MGA: variants seen among roughly 807,000 people sequenced by gnomAD.
The protein encoded by MGA is MAX gene-associated protein.
Under a neutral mutation model 261.1 loss-of-function variants are expected in MGA, and 40 were observed. The observed-to-expected ratio is 0.15, with a 90% CI of 0.12 to 0.20. The LOEUF (loss-of-function observed/expected upper bound fraction) is 0.20, where lower values mean the gene tolerates loss of function less well. Ranked by LOEUF, MGA falls within the 10% of genes least tolerant of loss-of-function variation. The pLI, the probability that MGA is intolerant of heterozygous loss-of-function variation, is 1.00. For synonymous variants in MGA, 1,302 were observed against 1,290.6 expected (o/e 1.01, Z -0.19); for missense variants, 3,397 against 3,630.5 (o/e 0.94, Z 1.65).
chr15:41,762,635 T>C (rs536496742), intron 22 of MGA, among the ~76,000 whole-genome samples: 1 of 152,022 alleles, frequency 6.6e-6, no homozygotes, highest in East Asian at 1.9e-4. Flanking sequence ...CCCAATTTGT[T>C]TTTTTAATTT....
At chr15:41,640,513 G>C (rs992003197) in intron 1 of MGA, among the ~76,000 whole-genome samples, 1 of 151,916 alleles carries the variant, frequency 6.6e-6, no homozygotes. Flanking sequence ...TTATTTGTAG[G>C]TATTTCCTCT....
At chr15:41,689,034 A>G (rs933834893) in intron 2 of MGA, among the ~76,000 whole-genome samples, 1 of 152,114 alleles carries the variant, frequency 6.6e-6, no homozygotes, top group Non-Finnish European at 1.5e-5. Flanking sequence ...ATTTTCTCCT[A>G]AAGCCCTGTT....
rs569701994 is a variant in MGA at position 41,694,155 on chromosome 15, C to T, written c.1065-1920C>T. ...TGACTGGGCCGGGCGTGGTGGCTCA[C>T]ACCTGTAATCCCAACACTTTGGGAG... is the stretch of plus-strand genomic sequence containing the variant. On this transcript the variant is annotated intron_variant, in intron 2 of 23. Transcript: ENST00000219905. Among the ~76,000 whole-genome samples, 31 of 152,038 alleles carry T rather than the reference C, an allele frequency of 2.0e-4. No homozygotes were observed. The South Asian group carries it at 6.0e-3, about 30-fold the overall frequency.
intron 15 of MGA, 133 bp downstream of exon 15, chr15:41,743,305 C>A (rs920564077): frequency 4.5e-6 from 5 of 1,122,848 alleles, no homozygotes; most frequent in African/African-American, 3.2e-5. Context: ...ACATGTATTC[C>A]TGAAAACCTC....
chr15:41,669,151 A>G lies in MGA; in HGVS notation c.257A>G (p.Asn86Ser), dbSNP rs1417576296. 2.5e-6 allele frequency: 4 copies of G among 1,613,840 alleles called. No homozygotes were observed. Among genetic ancestry groups the G allele is most frequent in the South Asian group, 1.1e-5 (1 of 91,094 alleles). The change falls in exon 2 of 24, where the codon AAT (asparagine) becomes AGT (serine). Residue 86 changes from asparagine to serine, a missense_variant. By Grantham distance (46) the Asn-to-Ser change is conservative. Coordinates refer to ENST00000219905, the MANE Select transcript of MGA (RefSeq NM_001164273.2). The stretch of plus-strand genomic sequence containing the variant: ...ACCCTCGATAACAATAGTATGTGGA[A>G]TGAGTTCTATCATCGAAGCACAGAG...
intron 23 of MGA, 141 bp downstream of exon 23, chr15:41,765,203 T>A (rs1183232470): frequency 1.0e-6 from 1 of 967,548 alleles, no homozygotes; most frequent in Non-Finnish European, 1.6e-6. Context: ...GGTGGCCCTA[T>A]TTTTAGAACA....
intron 11 of MGA, among the ~76,000 whole-genome samples, chr15:41,732,082 A>G (rs951844289): frequency 6.6e-6 from 1 of 152,090 alleles, no homozygotes; most frequent in African/African-American, 2.4e-5. Flanking sequence ...GACTAAGTAT[A>G]CTTGACCCCA....
intron 2 of MGA, among the ~76,000 whole-genome samples, chr15:41,679,163 G>T (rs1438571161): frequency 1.3e-5 from 2 of 152,024 alleles, no homozygotes; most frequent in Non-Finnish European, 2.9e-5. Flanking sequence ...AGCCTCCTGA[G>T]TAGCTGGGAC....
rs2063921598 is a variant in MGA at position 41,768,860 on chromosome 15, G to C, written c.*1580G>C. ...GTTGGTTCCCTTTCTGTTAACTCTG[G>C]TAATCAACAGATTGAAAACGGTGGA... On this transcript the variant is annotated 3_prime_UTR_variant, in exon 24 of 24. Coordinates refer to ENST00000219905, the MANE Select transcript of MGA (RefSeq NM_001164273.2). 1 of 142,086 alleles carries C rather than the reference G, an allele frequency of 7.0e-6. No homozygotes were observed. Among genetic ancestry groups the C allele is most frequent in the Non-Finnish European group, 1.5e-5 (1 of 65,498 alleles). The allele number at this position is 142,086 out of a possible 1,614,324, so 8.8% of individuals were successfully genotyped here.
chr15:41,733,747 C>T (rs191327485), intron 11 of MGA, among the ~76,000 whole-genome samples: 3 of 152,268 alleles, frequency 2.0e-5, no homozygotes, highest in Admixed American at 6.5e-5. Flanking sequence ...GTTCAGTGCA[C>T]TATTGCCCTT....
chr15:41,624,922 G>T (rs1053470185), intron 1 of MGA, among the ~76,000 whole-genome samples: 104 of 152,172 alleles, frequency 6.8e-4, no homozygotes, highest in Non-Finnish European at 1.5e-4. Flanking sequence ...TGGGAGGATT[G>T]CTCAAACCCA....
chr15:41,656,270 A>G (rs2057167786), upstream of MGA, among the ~76,000 whole-genome samples: 1 of 150,136 alleles, frequency 6.7e-6, no homozygotes, highest in South Asian at 2.1e-4. Flanking sequence ...AGGGTGAGGA[A>G]CGTGGTTATG....
At chr15:41,703,021 A>C (rs955278908) in intron 5 of MGA, among the ~76,000 whole-genome samples, 3 of 152,172 alleles carry the variant, frequency 2.0e-5, no homozygotes, top group African/African-American at 7.2e-5. Context: ...CATTTGTTAC[A>C]GTTAGTGAAC....
chr15:41,757,235 G>T (rs752118656), intron 18 of MGA, among the ~76,000 whole-genome samples: 4 of 152,160 alleles, frequency 2.6e-5, no homozygotes, highest in Non-Finnish European at 4.4e-5. Flanking sequence ...AATATAGAAA[G>T]CATGTATTTG....
chr15:41,639,749 C>T (rs930079118), intron 1 of MGA, among the ~76,000 whole-genome samples: 4 of 151,806 alleles, frequency 2.6e-5, no homozygotes, highest in East Asian at 1.9e-4. Context: ...GGGGTTTCAC[C>T]GTGTTAGCCA....
intron 1 of MGA, among the ~76,000 whole-genome samples, chr15:41,650,671 C>T (rs2057024065): frequency 6.6e-6 from 1 of 152,150 alleles, no homozygotes; most frequent in Non-Finnish European, 1.5e-5. Flanking sequence ...CTCCTGACCT[C>T]AAGTGATCTG....
At chr15:41,731,901 C>G (rs774241939) in intron 11 of MGA, among the ~76,000 whole-genome samples, 1 of 152,140 alleles carries the variant, frequency 6.6e-6, no homozygotes, top group Non-Finnish European at 1.5e-5. Flanking sequence ...ATACATTCTC[C>G]CATTTGATCC....
intron 1 of MGA, among the ~76,000 whole-genome samples, chr15:41,628,726 C>T (rs894838697): frequency 1.2e-4 from 18 of 152,220 alleles, no homozygotes; most frequent in Middle Eastern, 3.4e-3. Context: ...TTGTGTAGAG[C>T]CTTGCAGGCC....
intron 2 of MGA, among the ~76,000 whole-genome samples, chr15:41,685,948 G>A (rs1230136775): frequency 6.6e-6 from 1 of 151,424 alleles, no homozygotes; most frequent in Non-Finnish European, 1.5e-5. Context: ...GAGCTTGCAG[G>A]GAGCCGAGAT....
Sources: gnomAD v4.1 joint callset for allele counts (sites outside exome capture counted in the v4.1 genomes callset) on GRCh38, gnomAD v4.1.1 for gene constraint, MANE v1.5 for transcripts, NCBI Gene and HGNC (gene_info 2026-07-23, HGNC 2026-07-21) for gene names.